Variants in TFEC observed in about 807,000 individuals in gnomAD.
TFEC encodes class E basic helix-loop-helix protein 34.
A neutral mutation model predicts 41.6 loss-of-function variants in TFEC; 31 were observed. The observed-to-expected ratio is 0.74, with a 90% confidence interval of 0.56 to 1.01. The LOEUF (loss-of-function observed/expected upper bound fraction) is 1.01, where lower values mean the gene tolerates loss of function less well. TFEC is among the 50% of genes least tolerant of loss of function. The pLI is 0.00. For missense variants in TFEC, 402 were observed against 404.1 expected, an observed-to-expected ratio of 0.99 and a Z score of 0.04; for synonymous variants, 143 against 140.6, an observed-to-expected ratio of 1.02 and a Z score of -0.12.
At chr7:116,140,724 T>C (rs1798523653) in intron 1 of TFEC, among the ~76,000 whole-genome samples, 1 of 152,198 alleles carries the variant, frequency 6.6e-6, no homozygotes, top group South Asian at 2.1e-4. Context: ...TCTTCAATTT[T>C]TGCCTTCCCA....
intron 1 of TFEC, among the ~76,000 whole-genome samples, chr7:116,143,153 C>T (rs1798574639): frequency 6.6e-6 from 1 of 152,160 alleles, no homozygotes; most frequent in Non-Finnish European, 1.5e-5. Context: ...ATGGTGACCA[C>T]TGGGACAATT....
chr7:115,980,000 TATG>T (rs540819256), intron 2 of TFEC, among the ~76,000 whole-genome samples: 13 of 152,338 alleles, frequency 8.5e-5, no homozygotes, highest in African/African-American at 3.1e-4. Context: ...TTGCTTTGAT[TATG>T]ATACTTTTGT....
intron 1 of TFEC, among the ~76,000 whole-genome samples, chr7:116,136,781 A>G (rs1404982853): frequency 6.6e-6 from 1 of 151,994 alleles, no homozygotes; most frequent in African/African-American, 2.4e-5. Context: ...AATAAGAGAA[A>G]GGTGTCATTT....
In TFEC at chr7:116,012,451, C is replaced by G. The variant is rs73460638; in HGVS notation, c.-73+18182G>C. On this transcript the variant is annotated intron_variant, in intron 1 of 7. Coordinates refer to ENST00000265440, the MANE Select transcript of TFEC (RefSeq NM_012252.4). ...CATTATGAAGTTGTGAATGTTCTTT[C>G]AAGGATGCAGAGAATAAAGGAGAAA... Among the ~76,000 whole-genome samples the G allele has an allele frequency of 3.5e-3, 527 of 152,090 alleles. 4 individuals carry two copies. Among genetic ancestry groups the G allele is most frequent in the African/African-American group, 0.012 (511 of 41,506 alleles).
At chr7:116,094,998 T>C (rs1257659465) in intron 3 of TFEC, among the ~76,000 whole-genome samples, 3 of 152,232 alleles carry the variant, frequency 2.0e-5, no homozygotes, top group African/African-American at 7.2e-5. Context: ...ATTCAGCAGA[T>C]GAACTGCTAC....
chr7:115,938,071 C>G lies in TFEC; in HGVS notation c.*2480G>C, dbSNP rs979436530. On this transcript the variant is annotated 3_prime_UTR_variant, in exon 8 of 8. Coordinates refer to ENST00000265440, the MANE Select transcript of TFEC (RefSeq NM_012252.4). Reference sequence around the variant, plus strand: ...ATAATCTGAATGTAGCAGCAAATAGCAGTTCCCTCTCCAGATCTCTTGTGT... The same window carrying G: ...ATAATCTGAATGTAGCAGCAAATAGGAGTTCCCTCTCCAGATCTCTTGTGT... 1.3e-5 allele frequency: 2 copies of G among 151,894 alleles called. No homozygotes were observed. Among genetic ancestry groups the G allele is most frequent in the Non-Finnish European group, 2.9e-5 (2 of 67,882 alleles). The allele number at this position is 151,894 out of a possible 1,614,324, so 9.4% of individuals were successfully genotyped here. A position where few individuals can be genotyped will look rare whatever the true frequency, so the allele number is the denominator to read the frequency against.
chr7:116,064,863 AG>A (rs1796657024), intron 3 of TFEC, among the ~76,000 whole-genome samples: 1 of 152,196 alleles, frequency 6.6e-6, no homozygotes, highest in Non-Finnish European at 1.5e-5. Flanking sequence ...CCTGAAAATA[AG>A]ATGAGAACTG....
chr7:115,950,761 G>A, intron 6 of TFEC, 113 bp downstream of exon 6: 1 of 688,732 alleles, frequency 1.5e-6, no homozygotes, highest in South Asian at 2.5e-5. Flanking sequence ...CCTTATTTTT[G>A]CTATAAGCTG....
At chr7:116,131,878 T>G (rs1321082498) in intron 1 of TFEC, among the ~76,000 whole-genome samples, 4 of 152,218 alleles carry the variant, frequency 2.6e-5, no homozygotes, top group African/African-American at 9.6e-5. Context: ...TGAATTGAGA[T>G]GAGCTTTTCC....
intron 3 of TFEC, among the ~76,000 whole-genome samples, chr7:116,087,098 T>C (rs1197038501): frequency 6.6e-6 from 1 of 151,978 alleles, no homozygotes; most frequent in Non-Finnish European, 1.5e-5. Flanking sequence ...TGAATTACAA[T>C]TGATTAGAGA....
At chr7:116,090,055 A>C (rs1446599772) in intron 3 of TFEC, among the ~76,000 whole-genome samples, 1 of 152,170 alleles carries the variant, frequency 6.6e-6, no homozygotes, top group Non-Finnish European at 1.5e-5. Flanking sequence ...AATGGAATTG[A>C]AAGGAAAACC....
At chr7:116,010,313 T>C (rs1156792252) in intron 1 of TFEC, among the ~76,000 whole-genome samples, 1 of 152,110 alleles carries the variant, frequency 6.6e-6, no homozygotes, top group Non-Finnish European at 1.5e-5. Context: ...AAAGCATTAC[T>C]TGAATGAGGG....
chr7:116,155,870 TTTTC>T (rs1427601524), intron 1 of TFEC, among the ~76,000 whole-genome samples: 4 of 152,182 alleles, frequency 2.6e-5, no homozygotes, highest in Non-Finnish European at 4.4e-5. Context: ...GCTTTACTGA[TTTTC>T]TTTTTCTTTT....
chr7:116,060,468 C>T (rs965381320), intron 3 of TFEC, among the ~76,000 whole-genome samples: 4 of 152,098 alleles, frequency 2.6e-5, no homozygotes, highest in Non-Finnish European at 4.4e-5. Flanking sequence ...AACCTAAATG[C>T]CCATCAATGA....
rs777767017 is a variant in TFEC at position 116,017,379 on chromosome 7, G to A, written c.-73+13254C>T. Among the ~76,000 whole-genome samples the A allele has an allele frequency of 5.3e-4, 80 of 152,052 alleles. 1 individual carries two copies. Among genetic ancestry groups the A allele is most frequent in the Admixed American group, 2.7e-3 (41 of 15,260 alleles). ...TGGGACTATAGGCACACACACCACC[G>A]CAGCTGGCTAATTTTTGTATTTTTC... is the stretch of plus-strand genomic sequence containing the variant. On this transcript the variant is annotated intron_variant, in intron 1 of 7. Coordinates refer to ENST00000265440, the MANE Select transcript of TFEC (RefSeq NM_012252.4).
chr7:116,115,755 A>T (rs1180378529), intron 1 of TFEC, among the ~76,000 whole-genome samples: 1 of 152,030 alleles, frequency 6.6e-6, no homozygotes, highest in Non-Finnish European at 1.5e-5. Flanking sequence ...CATCCACTTT[A>T]AAAAGAAACA....
At chr7:115,984,167 C>T (rs2130672946) in intron 2 of TFEC, 95 bp downstream of exon 2, 2 of 1,435,686 alleles carry the variant, frequency 1.4e-6, no homozygotes, top group Non-Finnish European at 1.9e-6. Context: ...CATTTGCAAT[C>T]AGAATGTTTA....
intron 1 of TFEC, among the ~76,000 whole-genome samples, chr7:116,003,199 A>C (rs916554885): frequency 6.6e-6 from 1 of 152,116 alleles, no homozygotes; most frequent in Admixed American, 6.5e-5. Flanking sequence ...CCAGGCCAGC[A>C]CCCTTCAGCC....
At chr7:115,971,385 T>G (rs1007538451) in intron 3 of TFEC, among the ~76,000 whole-genome samples, 1 of 151,932 alleles carries the variant, frequency 6.6e-6, no homozygotes, top group Admixed American at 6.6e-5. Context: ...AAAAAAAACC[T>G]TACATATCCA....
Sources: gnomAD v4.1 joint callset for allele counts (sites outside exome capture counted in the v4.1 genomes callset) on GRCh38, gnomAD v4.1.1 for gene constraint, MANE v1.5 for transcripts, NCBI Gene and HGNC (gene_info 2026-07-23, HGNC 2026-07-21) for gene names.